The following SORCS1 variants were observed in gnomAD, a reference collection of about 807,000 sequenced individuals.
The protein encoded by SORCS1 is VPS10 domain-containing receptor SorCS1.
In SORCS1, 60 loss-of-function variants were observed where a neutral mutation model predicts 146.1. That is an observed-to-expected ratio of 0.41 (90% CI 0.33 to 0.51). The LOEUF (loss-of-function observed/expected upper bound fraction) is 0.51, where lower values mean the gene tolerates loss of function less well. Among genes scored for constraint, SORCS1 ranks in the 20% least tolerant of loss-of-function variants. SORCS1 has a pLI of 0.21. For synonymous variants in SORCS1, 637 were observed against 584.0 expected (o/e 1.09, Z -1.31); for missense variants, 1,352 against 1,487.6 (o/e 0.91, Z 1.50).
At chr10:107,021,136 T>A (rs1958110999) in intron 1 of SORCS1, among the ~76,000 whole-genome samples, 1 of 152,122 alleles carries the variant, frequency 6.6e-6, no homozygotes, top group Non-Finnish European at 1.5e-5. Context: ...ATACTATAAA[T>A]GCAAACTGTG....
intron 12 of SORCS1, among the ~76,000 whole-genome samples, chr10:106,678,220 T>C (rs1199426465): frequency 6.6e-6 from 1 of 152,212 alleles, no homozygotes; most frequent in Non-Finnish European, 1.5e-5. Context: ...AAGTAAAGAC[T>C]TCTTTGCCTT....
At chr10:106,929,419 G>GA (rs1287144063) in intron 2 of SORCS1, among the ~76,000 whole-genome samples, 1 of 152,074 alleles carries the variant, frequency 6.6e-6, no homozygotes, top group Non-Finnish European at 1.5e-5. Context: ...GCCCATTAGG[G>GA]AAAACTGAGA....
intron 8 of SORCS1, among the ~76,000 whole-genome samples, chr10:106,703,849 A>C (rs1854311227): frequency 6.6e-6 from 1 of 152,186 alleles, no homozygotes; most frequent in African/African-American, 2.4e-5. Context: ...TAAATAATAA[A>C]CATCCACCCG....
chr10:106,808,866 C>T (rs1404834015), intron 3 of SORCS1, among the ~76,000 whole-genome samples: 3 of 152,136 alleles, frequency 2.0e-5, no homozygotes, highest in African/African-American at 7.2e-5. Flanking sequence ...CCAGAGGACT[C>T]CACTACTTTC....
chr10:106,901,187 C>T (rs551123131), intron 2 of SORCS1, among the ~76,000 whole-genome samples: 1 of 152,302 alleles, frequency 6.6e-6, no homozygotes, highest in South Asian at 2.1e-4. Context: ...TCAGCAGGAA[C>T]AGGGTTGCCA....
chr10:107,095,914 C>T (rs548883480), intron 1 of SORCS1, among the ~76,000 whole-genome samples: 5 of 152,154 alleles, frequency 3.3e-5, no homozygotes, highest in South Asian at 2.1e-4. Flanking sequence ...ATAGCCCCAA[C>T]ATAGTTATTT....
chr10:107,005,571 T>C (rs1957406234), intron 1 of SORCS1, among the ~76,000 whole-genome samples: 1 of 152,332 alleles, frequency 6.6e-6, no homozygotes, highest in Non-Finnish European at 1.5e-5. Context: ...TTTTTCCATA[T>C]GAATACCTAC....
At chr10:107,143,843 T>C (rs1968060048) in intron 1 of SORCS1, among the ~76,000 whole-genome samples, 1 of 151,864 alleles carries the variant, frequency 6.6e-6, no homozygotes, top group South Asian at 2.1e-4. Context: ...GGTTTCACCA[T>C]ATTACCCAGG....
chr10:107,000,757 T>C (rs557588259), intron 1 of SORCS1, among the ~76,000 whole-genome samples: 2 of 152,310 alleles, frequency 1.3e-5, no homozygotes, highest in African/African-American at 4.8e-5. Context: ...GATATTCATA[T>C]ATCTAAGATA....
intron 15 of SORCS1, among the ~76,000 whole-genome samples, 195 bp from the exon 16 acceptor site, chr10:106,671,562 A>C (rs1045526302): frequency 3.3e-5 from 5 of 152,192 alleles, no homozygotes; most frequent in African/African-American, 1.2e-4. Flanking sequence ...CAATCCTAAC[A>C]ATCATTGAAG....
chr10:107,137,806 G>A (rs779667434), intron 1 of SORCS1, among the ~76,000 whole-genome samples: 3 of 150,104 alleles, frequency 2.0e-5, no homozygotes, highest in East Asian at 2.0e-4. Context: ...AGGTTGCAGC[G>A]AGCCAAGATC....
At chr10:107,150,966 A>G (rs1454657703) in intron 1 of SORCS1, among the ~76,000 whole-genome samples, 1 of 152,220 alleles carries the variant, frequency 6.6e-6, no homozygotes, top group African/African-American at 2.4e-5. Context: ...CAGCATGAGA[A>G]TGAACCAACA....
chr10:106,947,689 CA>C (rs1027666499), intron 2 of SORCS1, among the ~76,000 whole-genome samples: 2 of 152,040 alleles, frequency 1.3e-5, no homozygotes, highest in African/African-American at 4.8e-5. Context: ...ACTAAAAATA[CA>C]AAAAAATTAG....
chr10:106,953,193 G>A (rs1023725622), intron 2 of SORCS1, among the ~76,000 whole-genome samples: 16 of 150,526 alleles, frequency 1.1e-4, no homozygotes, highest in Admixed American at 3.3e-4. Flanking sequence ...GTGTGTATAC[G>A]CATGGTCATC....
chr10:106,659,812 C>A (rs1008729112), intron 17 of SORCS1, among the ~76,000 whole-genome samples: 2 of 152,188 alleles, frequency 1.3e-5, no homozygotes, highest in African/African-American at 4.8e-5. Flanking sequence ...GTGATATTCA[C>A]CTTTTCCTTC....
chr10:106,679,481 G>A, intron 11 of SORCS1, 149 bp from the exon 12 acceptor site: 5 of 936,884 alleles, frequency 5.3e-6, no homozygotes, highest in Non-Finnish European at 8.1e-6. Context: ...AGGTCCAATG[G>A]TTTAGGTGCC....
In SORCS1 at chr10:106,818,283, T is replaced by A. The variant is rs185928933; in HGVS notation, c.726+11291A>T. ...GTCACCACTGCCCATTTACTGATTT[T>A]ACAAGCAAGACAGGAAGAAAGTTTA... is the stretch of plus-strand genomic sequence containing the variant. On this transcript the variant is annotated intron_variant, in intron 3 of 25. Coordinates refer to ENST00000263054, the MANE Select transcript of SORCS1 (RefSeq NM_052918.5). Among the ~76,000 whole-genome samples, 652 of 152,324 alleles carry A rather than the reference T, an allele frequency of 4.3e-3. 1 individual carries two copies. Among genetic ancestry groups the A allele is most frequent in the Non-Finnish European group, 7.1e-3 (484 of 68,042 alleles).
At chr10:106,616,056 T>C (rs1847338317) in intron 21 of SORCS1, among the ~76,000 whole-genome samples, 1 of 152,196 alleles carries the variant, frequency 6.6e-6, no homozygotes, top group Non-Finnish European at 1.5e-5. Flanking sequence ...TTCATCAATG[T>C]CAATTACTAT....
chr10:106,882,110 C>A (rs1347131200), intron 2 of SORCS1, among the ~76,000 whole-genome samples: 4 of 152,194 alleles, frequency 2.6e-5, no homozygotes, highest in African/African-American at 9.7e-5. Flanking sequence ...GAATGAACTG[C>A]AATTCCCCTG....
Sources: allele counts gnomAD v4.1 joint callset (sites outside exome capture counted in the v4.1 genomes callset), GRCh38; gene constraint gnomAD v4.1.1; transcripts MANE v1.5; gene names NCBI Gene and HGNC (gene_info 2026-07-23, HGNC 2026-07-21).